The following CAPRIN2 variants were observed in gnomAD, a reference collection of about 807,000 sequenced individuals.
CAPRIN2 encodes the protein caprin-2.
Under a neutral mutation model 130.4 loss-of-function variants are expected in CAPRIN2, and 66 were observed. The ratio of observed to expected loss-of-function variants is 0.51; its 90% CI spans 0.42 to 0.62. The LOEUF is 0.62. Ranked by LOEUF, CAPRIN2 falls within the 20% of genes least tolerant of loss-of-function variation. The pLI, the probability that CAPRIN2 is intolerant of heterozygous loss-of-function variation, is 0.00. For synonymous variants in CAPRIN2, 471 were observed against 444.1 expected, an observed-to-expected ratio of 1.06 and a Z score of -0.76; for missense variants, 1,185 against 1,246.6, an observed-to-expected ratio of 0.95 and a Z score of 0.74.
At chr12:30,715,455 T>C (rs1383158396) in intron 13 of CAPRIN2, 5 of 470,296 alleles carry the variant, frequency 1.1e-5, no homozygotes, top group African/African-American at 9.9e-5. Context: ...ATGAGGTACC[T>C]AGAGCAGTCA....
exon 6 of CAPRIN2, chr12:30,731,495 T>A (rs1321975414): frequency 6.2e-7 from 1 of 1,612,610 alleles, no homozygotes; most frequent in South Asian, 1.1e-5. Flanking sequence ...AGACAGTAGA[T>A]CCTTCAAGTG....
At chr12:30,753,527 C>T in exon 1 of CAPRIN2, 1 of 1,613,924 alleles carries the variant, frequency 6.2e-7, no homozygotes, top group Non-Finnish European at 8.5e-7. Context: ...TCATATTCCC[C>T]TCTCTTTCCT....
At chr12:30,737,093 C>T (rs1239952599) in intron 3 of CAPRIN2, among the ~76,000 whole-genome samples, 2 of 152,078 alleles carry the variant, frequency 1.3e-5, no homozygotes, top group East Asian at 1.9e-4. Context: ...CAGCTTTGAC[C>T]TCTTGAGCTC....
chr12:30,714,744 C>A (rs1425916515), intron 14 of CAPRIN2, among the ~76,000 whole-genome samples: 2 of 152,194 alleles, frequency 1.3e-5, no homozygotes, highest in African/African-American at 4.8e-5. Context: ...CTTTCCACTT[C>A]AGTAAGTCAC....
Position 30,747,744 on chromosome 12 carries a change from A to G in CAPRIN2, c.483+3327T>C, listed in dbSNP as rs574633881. ...AGCTGCCATAGATAGTGATTTGTCT[A>G]ATAGATCCGGGCAAAGTAAATTGAA... is the stretch of plus-strand genomic sequence containing the variant. On this transcript the variant is annotated intron_variant, in intron 2 of 16. Transcript: ENST00000298892. Among the ~76,000 whole-genome samples the G allele has an allele frequency of 5.1e-4, 77 of 152,318 alleles. 3 individuals are homozygous for G. The South Asian group carries it at 0.016, about 31-fold the overall frequency.
chr12:30,714,897 G>T (rs2136518751), intron 14 of CAPRIN2, 62 bp downstream of exon 16: 1 of 1,360,328 alleles, frequency 7.4e-7, no homozygotes, highest in Non-Finnish European at 1.0e-6. Context: ...TAAAAATGGT[G>T]TGAGTCAAGT....
intron 11 of CAPRIN2, 94 bp from the exon 13 acceptor site, chr12:30,721,009 G>A: frequency 1.3e-6 from 1 of 799,532 alleles, no homozygotes; most frequent in Non-Finnish European, 2.2e-6. Flanking sequence ...TACTCTTACT[G>A]AACACGCACA....
intron 4 of CAPRIN2, among the ~76,000 whole-genome samples, chr12:30,734,622 T>C (rs1022079071): frequency 6.6e-6 from 1 of 152,148 alleles, no homozygotes; most frequent in Admixed American, 6.5e-5. Context: ...AAAATTACTT[T>C]AAAAGTTTTA....
intron 12 of CAPRIN2, chr12:30,719,471 G>A (rs1301121410): frequency 3.0e-5 from 13 of 429,780 alleles, no homozygotes; most frequent in Non-Finnish European, 5.0e-5. Flanking sequence ...AACAGATGAG[G>A]GGCTGAACTT....
chr12:30,733,901 G>T (rs1273819262), intron 4 of CAPRIN2, among the ~76,000 whole-genome samples, 190 bp from the exon 6 acceptor site: 6 of 152,160 alleles, frequency 3.9e-5, no homozygotes, highest in Non-Finnish European at 2.9e-5. Context: ...GATTTCAAAT[G>T]TAAGAATTTT....
chr12:30,739,215 A>C (rs1188479356), intron 3 of CAPRIN2, among the ~76,000 whole-genome samples: 1 of 152,250 alleles, frequency 6.6e-6, no homozygotes, highest in East Asian at 1.9e-4. Flanking sequence ...ATGGAATACC[A>C]TGCAGCCATA....
chr12:30,717,249 T>C (rs1431126240), intron 12 of CAPRIN2, among the ~76,000 whole-genome samples: 6 of 152,168 alleles, frequency 3.9e-5, no homozygotes, highest in Admixed American at 3.9e-4. Flanking sequence ...TATTCAGCCA[T>C]ACAAAAATGA....
intron 14 of CAPRIN2, among the ~76,000 whole-genome samples, chr12:30,714,212 C>T (rs1018030295): frequency 6.6e-6 from 1 of 152,172 alleles, no homozygotes; most frequent in African/African-American, 2.4e-5. Context: ...GGCAGTGCCT[C>T]GCTCTGTTAC....
intron 12 of CAPRIN2, among the ~76,000 whole-genome samples, chr12:30,718,437 G>A (rs1360660795): frequency 6.6e-6 from 1 of 152,132 alleles, no homozygotes; most frequent in African/African-American, 2.4e-5. Flanking sequence ...GGGACACTAA[G>A]CACCAATAGG....
exon 17 of CAPRIN2, chr12:30,709,787 C>A: frequency 8.2e-7 from 1 of 1,219,362 alleles, no homozygotes; most frequent in East Asian, 2.5e-5. Flanking sequence ...GGACCTCCTC[C>A]CTCTAGGAAC....
rs1004570373 is a variant in CAPRIN2, at chr12:30,754,083, C to A, written c.-320G>T. 102 of 229,022 alleles carry A rather than the reference C, an allele frequency of 4.5e-4. 1 individual carries two copies. The highest frequency in any genetic ancestry group is 1.2e-4 in the Non-Finnish European group (15 of 121,732). The allele number at this position is 229,022 out of a possible 1,614,324, so 14.2% of individuals were successfully genotyped here. On this transcript the variant is annotated 5_prime_UTR_variant, in exon 1 of 17. Transcript: ENST00000298892. Reference sequence around the variant, plus strand: ...GAAGAAAATCCAAACTCACAACATTCTTTTATAGCTCTAAGTGAACCAGCA... The same window carrying A: ...GAAGAAAATCCAAACTCACAACATTATTTTATAGCTCTAAGTGAACCAGCA...
At chr12:30,712,733 C>CTTT (rs754373140) in intron 15 of CAPRIN2, among the ~76,000 whole-genome samples, 5,126 of 106,748 alleles carry the variant, frequency 0.048, 33 homozygotes, top group Non-Finnish European at 0.062. Context: ...GTTTTCCACT[C>CTTT]TTTTTTTTTT....
At chr12:30,742,658 A>C (rs574309212) in intron 2 of CAPRIN2, among the ~76,000 whole-genome samples, 38 of 151,286 alleles carry the variant, frequency 2.5e-4, no homozygotes, top group African/African-American at 9.2e-4. Context: ...TATAAGGTAC[A>C]AAAAAAACAC....
intron 2 of CAPRIN2, among the ~76,000 whole-genome samples, chr12:30,745,071 C>T (rs1281140454): frequency 6.6e-6 from 1 of 152,130 alleles, no homozygotes; most frequent in Non-Finnish European, 1.5e-5. Context: ...ACGCCGATAG[C>T]AGTGGAATTA....
Sources: allele counts gnomAD v4.1 joint callset (sites outside exome capture counted in the v4.1 genomes callset), GRCh38; gene constraint gnomAD v4.1.1; transcripts MANE v1.5; gene names NCBI Gene and HGNC (gene_info 2026-07-23, HGNC 2026-07-21).